Variants in ST3GAL3 observed in about 807,000 individuals in gnomAD.
The protein encoded by ST3GAL3 is ST3 beta-galactoside alpha-2,3-sialyltransferase 3.
Under a neutral mutation model 50.1 loss-of-function variants are expected in ST3GAL3, and 21 were observed. That is an observed-to-expected ratio of 0.42 (90% CI 0.30 to 0.60). The LOEUF (loss-of-function observed/expected upper bound fraction) is 0.60. ST3GAL3 is among the 20% of genes least tolerant of loss of function. The pLI is 0.19. For missense variants in ST3GAL3, 353 were observed against 489.4 expected (o/e 0.72, Z 2.63); for synonymous variants, 183 against 190.0 (o/e 0.96, Z 0.30).
Position 43,920,811 on chromosome 1 carries a change from G to A in ST3GAL3, c.921G>A (p.Val307=). Residue 307 remains valine (V), a synonymous_variant, in exon 11 of 12, where the codon GTG becomes GTA. Transcript: ENST00000347631. ...TCCCTACCCTTGGCAGTGTGGCAGT[G>A]ACCATGGCACTACACGGCTGTGACG... ...GNIPTLGSVA[V]TMALHGCDEV... is the part of the protein sequence containing the mutation. 1 of 1,614,154 alleles carries A rather than the reference G, an allele frequency of 6.2e-7. No homozygotes were observed. Among genetic ancestry groups the A allele is most frequent in the South Asian group, 1.1e-5 (1 of 91,084 alleles).
chr1:43,720,201 C>T (rs946959179), intron 1 of ST3GAL3, among the ~76,000 whole-genome samples: 7 of 152,108 alleles, frequency 4.6e-5, no homozygotes, highest in Non-Finnish European at 8.8e-5. Context: ...TGCACTCCAG[C>T]CTGGACCGCA....
chr1:43,768,222 G>A (rs1474601127), intron 2 of ST3GAL3, among the ~76,000 whole-genome samples: 3 of 152,110 alleles, frequency 2.0e-5, no homozygotes, highest in Admixed American at 6.5e-5. Flanking sequence ...ATCACTTGAG[G>A]CCAGGAGTTT....
At chr1:43,905,584 GCTTCTC>G (rs2079281789) in intron 9 of ST3GAL3, among the ~76,000 whole-genome samples, 1 of 34,916 alleles carries the variant, frequency 2.9e-5, no homozygotes, top group Non-Finnish European at 6.0e-5. Flanking sequence ...CCCTCCTCCT[GCTTCTC>G]TTCCCGCCAC....
intron 1 of ST3GAL3, among the ~76,000 whole-genome samples, chr1:43,730,663 T>G (rs183933350): frequency 5.8e-4 from 88 of 151,020 alleles, no homozygotes; most frequent in African/African-American, 2.0e-3. Flanking sequence ...CTCAAACTTA[T>G]GGGCTCAAGC....
chr1:43,811,842 A>G (rs1370240764), intron 3 of ST3GAL3, among the ~76,000 whole-genome samples: 1 of 151,706 alleles, frequency 6.6e-6, no homozygotes, highest in Admixed American at 6.6e-5. Flanking sequence ...GCTCCCCACA[A>G]AGACGTTTTT....
chr1:43,734,760 C>T (rs369856040), intron 1 of ST3GAL3, among the ~76,000 whole-genome samples: 1 of 152,048 alleles, frequency 6.6e-6, no homozygotes, highest in African/African-American at 2.4e-5. Flanking sequence ...CCTAGGTGGA[C>T]AATTATCTGT....
In ST3GAL3 at chr1:43,775,440, G is replaced by A. The variant is rs1485105016; in HGVS notation, c.119-16662G>A. Among the ~76,000 whole-genome samples the A allele has an allele frequency of 7.2e-5, 11 of 152,108 alleles. No individual in the cohort carries two copies. In the East Asian group the frequency reaches 2.1e-3, roughly 30 times the overall value. On this transcript the variant is annotated intron_variant, in intron 2 of 11. Transcript: ENST00000347631. ...GTAGAGATGGAGTTTCGCCATGTTGGCCAGGCTGGTCTTGAACTCCTGACC... is the reference window on the plus strand; with the variant it reads ...GTAGAGATGGAGTTTCGCCATGTTGACCAGGCTGGTCTTGAACTCCTGACC...
At chr1:43,850,721 C>T (rs371255541) in intron 5 of ST3GAL3, 102 of 743,986 alleles carry the variant, frequency 1.4e-4, no homozygotes, top group African/African-American at 9.1e-4. Context: ...AGCCCAGCTC[C>T]GTCAGTGCCT....
intron 4 of ST3GAL3, among the ~76,000 whole-genome samples, chr1:43,821,276 C>G (rs1262393473): frequency 6.6e-6 from 1 of 151,916 alleles, no homozygotes; most frequent in Non-Finnish European, 1.5e-5. Flanking sequence ...TTATAATAAG[C>G]ATGACATATT....
chr1:43,756,830 A>G, intron 2 of ST3GAL3, among the ~76,000 whole-genome samples: 1 of 152,230 alleles, frequency 6.6e-6, no homozygotes, highest in South Asian at 2.1e-4. Flanking sequence ...ACTGTGGGAA[A>G]TTAAAGAATA....
At chr1:43,821,592 T>C (rs1187040305) in intron 4 of ST3GAL3, among the ~76,000 whole-genome samples, 1 of 152,052 alleles carries the variant, frequency 6.6e-6, no homozygotes, top group African/African-American at 2.4e-5. Flanking sequence ...CTGAGAAGAA[T>C]ATGGTTTGGA....
chr1:43,856,528 G>C (rs12144781), intron 5 of ST3GAL3, among the ~76,000 whole-genome samples: 6,227 of 152,294 alleles, frequency 0.041, 193 homozygotes, highest in Non-Finnish European at 0.066. Flanking sequence ...GGTACCTGCT[G>C]TGTTGAAATC....
chr1:43,721,069 G>A (rs555648188), intron 1 of ST3GAL3, among the ~76,000 whole-genome samples: 2 of 151,986 alleles, frequency 1.3e-5, no homozygotes, highest in South Asian at 4.2e-4. Flanking sequence ...AACATAATGA[G>A]ACCCTTGTCT....
At position 43,721,295 on chromosome 1, in the gene ST3GAL3, CTTT is replaced by C. The variant is rs35508020; in HGVS notation, c.-31+13623_-31+13625del. 2.6e-3 allele frequency among the ~76,000 whole-genome samples: 256 copies of C among 99,826 alleles called. 4 individuals are homozygous for C. The highest frequency in any genetic ancestry group is 9.2e-3 in the African/African-American group (238 of 25,762). 65.5% of individuals were successfully genotyped at this position (99,826 alleles called of 152,430 possible). A position where few individuals can be genotyped will look rare whatever the true frequency, so the allele number is the denominator to read the frequency against. The stretch of plus-strand genomic sequence containing the variant: ...AGAAATGAAGTACCTATAATTAAAC[CTTT>C]TTTTTTTTTTTTTTTTTTTTAATGA... On this transcript the variant is annotated intron_variant, in intron 1 of 11. Coordinates refer to ENST00000347631, the MANE Select transcript of ST3GAL3 (RefSeq NM_006279.5).
At chr1:43,847,052 A>G (rs777604387) in intron 5 of ST3GAL3, among the ~76,000 whole-genome samples, 3 of 152,220 alleles carry the variant, frequency 2.0e-5, no homozygotes, top group South Asian at 2.1e-4. Flanking sequence ...AATGTGCTCA[A>G]TGTTACTAAT....
intron 11 of ST3GAL3, chr1:43,921,318 C>T (rs909153594): frequency 1.0e-5 from 5 of 494,852 alleles, no homozygotes; most frequent in African/African-American, 7.7e-5. Context: ...TCTCTTCCAC[C>T]CTTCCCCACA....
In ST3GAL3 at chr1:43,757,295, G is replaced by C. The variant is rs113344374; in HGVS notation, c.118+20915G>C. ...TCTTTAAAAAATTTTTGCTTTGGTA[G>C]AAATTGAAAACTGATTTTAAAACTT... On this transcript the variant is annotated intron_variant, in intron 2 of 11. Coordinates refer to ENST00000347631, the MANE Select transcript of ST3GAL3 (RefSeq NM_006279.5). Among the ~76,000 whole-genome samples the C allele has an allele frequency of 4.2e-3, 633 of 152,250 alleles. 9 individuals carry two copies. The highest frequency in any genetic ancestry group is 0.014 in the African/African-American group (588 of 41,546).
rs2077904171 is a variant in ST3GAL3, at chr1:43,899,445, G to C, written c.558-96G>C. ...GCACCTGGGGAGAATAGGTCCAGGTGACCTGGACTCCCTATTCTCCATGCC... is the reference window on the plus strand; with the variant it reads ...GCACCTGGGGAGAATAGGTCCAGGTCACCTGGACTCCCTATTCTCCATGCC... On this transcript the variant is annotated intron_variant, in intron 8 of 11. Coordinates refer to ENST00000347631, the MANE Select transcript of ST3GAL3 (RefSeq NM_006279.5). The surrounding 1 kb of genome is among the most constrained non-coding windows in gnomAD (Gnocchi z 5.4). The C allele has an allele frequency of 1.3e-6, 2 of 1,567,380 alleles. No homozygotes were observed. The highest frequency in any genetic ancestry group is 1.7e-6 in the Non-Finnish European group (2 of 1,149,462).
chr1:43,898,140 C>T (rs1258082547), intron 6 of ST3GAL3, 95 bp from the exon 7 acceptor site: 1 of 1,329,520 alleles, frequency 7.5e-7, no homozygotes, highest in Non-Finnish European at 1.1e-6. Context: ...TCACTCTAGC[C>T]CCTAGGGACT....
Sources: gnomAD v4.1 joint callset for allele counts (sites outside exome capture counted in the v4.1 genomes callset) on GRCh38, gnomAD v4.1.1 for gene constraint, Gnocchi (gnomAD v3.1) non-coding constraint, MANE v1.5 for transcripts, NCBI Gene and HGNC (gene_info 2026-07-23, HGNC 2026-07-21) for gene names.